GPC1: variants seen among roughly 807,000 people sequenced by gnomAD.
GPC1 encodes the protein glypican-1.
GPC1 carries 26 observed loss-of-function variants against 51.5 expected under a neutral mutation model. The observed-to-expected ratio is 0.50, with a 90% CI of 0.37 to 0.70. The LOEUF is 0.70. GPC1 is among the 30% of genes least tolerant of loss of function. The probability of loss-of-function intolerance (pLI) is 0.00; values close to 1 mark genes in which losing one functional copy is unlikely to be tolerated. For synonymous variants in GPC1, 380 were observed against 348.3 expected (o/e 1.09, Z -1.01); for missense variants, 775 against 800.5 (o/e 0.97, Z 0.38).
At chr2:240,462,074 C>G (rs945564085) in intron 2 of GPC1, 117 bp from the exon 3 acceptor site, 4 of 1,043,134 alleles carry the variant, frequency 3.8e-6, no homozygotes, top group Non-Finnish European at 5.4e-6. Context: ...GCGTCCGACT[C>G]CGAGGTCCTC....
In GPC1 at chr2:240,465,067, T is replaced by G; in HGVS notation, c.1135-10T>G. The G allele has an allele frequency of 1.3e-6, 2 of 1,598,756 alleles. No homozygotes were observed. The highest frequency in any genetic ancestry group is 1.7e-6 in the Non-Finnish European group (2 of 1,173,694). The stretch of plus-strand genomic sequence containing the variant: ...CCTGGCAGCCCAGTGGCCTGACTGC[T>G]GCCCCACAGGTCTCCGAAGCCAAGG... On this transcript the variant is annotated splice_polypyrimidine_tract_variant and intron_variant, in intron 6 of 8. Coordinates refer to ENST00000264039, the MANE Select transcript of GPC1 (RefSeq NM_002081.3).
chr2:240,460,222 C>T (rs1379494585), intron 2 of GPC1, among the ~76,000 whole-genome samples: 1 of 152,120 alleles, frequency 6.6e-6, no homozygotes, highest in Non-Finnish European at 1.5e-5. Context: ...CTCTCTGTGA[C>T]TTGGACATCG....
At chr2:240,444,638 C>G (rs371056053) in intron 1 of GPC1, among the ~76,000 whole-genome samples, 1 of 152,236 alleles carries the variant, frequency 6.6e-6, no homozygotes, top group African/African-American at 2.4e-5. Flanking sequence ...TGCGCACCTT[C>G]AGACGATTTC....
rs1384426238 is a variant in GPC1, at chr2:240,462,318, C to T, written c.453C>T (p.Tyr151=). The change falls in exon 3 of 9, where the codon TAC becomes TAT. Residue 151 remains tyrosine, a synonymous_variant. Coordinates refer to ENST00000264039, the MANE Select transcript of GPC1 (RefSeq NM_002081.3). ...ACCTGTACTCAGAGCTGCGCCTGTA[C>T]TACCGCGGTGCCAACCTGCACCTGG... ...FRDLYSELRL[Y]YRGANLHLEE... 2.5e-6 allele frequency: 4 copies of T among 1,606,558 alleles called. No homozygotes were observed. The Admixed American group carries it at 6.8e-5, about 27-fold the overall frequency.
intron 1 of GPC1, among the ~76,000 whole-genome samples, chr2:240,447,273 T>C (rs2074056452): frequency 6.6e-6 from 1 of 152,192 alleles, no homozygotes; most frequent in Non-Finnish European, 1.5e-5. Flanking sequence ...CCTCGAGCTA[T>C]GCCCCGACAC....
chr2:240,451,534 C>T, intron 1 of GPC1: 1 of 288,840 alleles, frequency 3.5e-6, no homozygotes, highest in East Asian at 1.2e-4. Context: ...TCTTCAGCTC[C>T]ACCAAGCCAA....
At position 240,448,088 on chromosome 2, in the gene GPC1, C is replaced by T. The variant is rs1262854549; in HGVS notation, c.167-10942C>T. Among the ~76,000 whole-genome samples, 1 of 152,124 alleles carries T rather than the reference C, an allele frequency of 6.6e-6. No individual in the cohort carries two copies. Among genetic ancestry groups the T allele is most frequent in the Non-Finnish European group, 1.5e-5 (1 of 68,016 alleles). ...GAACGGCCGGAGGCGCTCTCGAGCC[C>T]GCCTTGAGGGTGGCAGCTGGTTTTC... On this transcript the variant is annotated intron_variant, in intron 1 of 8. Transcript: ENST00000264039. The surrounding 1 kb of genome is among the most constrained non-coding windows in gnomAD (Gnocchi z 4.5).
At chr2:240,442,663 C>T (rs1310208004) in intron 1 of GPC1, among the ~76,000 whole-genome samples, 2 of 152,236 alleles carry the variant, frequency 1.3e-5, no homozygotes, top group Non-Finnish European at 2.9e-5. Flanking sequence ...CACCCAAAGT[C>T]ACATCCTGAG....
At chr2:240,441,748 GAC>G (rs1302077923) in intron 1 of GPC1, among the ~76,000 whole-genome samples, 1 of 152,226 alleles carries the variant, frequency 6.6e-6, no homozygotes, top group African/African-American at 2.4e-5. Context: ...GAAGTCTCCT[GAC>G]GGGGTGGGGG....
chr2:240,448,194 C>G lies in GPC1; in HGVS notation c.167-10836C>G, dbSNP rs979901481. Among the ~76,000 whole-genome samples the G allele has an allele frequency of 1.3e-5, 2 of 152,146 alleles. No homozygotes were observed. The highest frequency in any genetic ancestry group is 4.8e-5 in the African/African-American group (2 of 41,440). ...CAGGAAGGGCAGGAGATGCTGGCCC[C>G]GGGTCTGGACAGCTGCCCTCATAGG... On this transcript the variant is annotated intron_variant, in intron 1 of 8. Coordinates refer to ENST00000264039, the MANE Select transcript of GPC1 (RefSeq NM_002081.3). This position sits in a 1 kb window ranked among gnomAD's most constrained non-coding sequence, Gnocchi z 4.5.
At chr2:240,454,063 CG>C (rs71046002) in intron 1 of GPC1, among the ~76,000 whole-genome samples, 19,018 of 90,992 alleles carry the variant, frequency 0.21, 1,310 homozygotes, top group Admixed American at 0.28. Context: ...GAAATGGTGG[CG>C]GGGGGGCTTC....
rs1574779189 is a variant in GPC1 at position 240,463,827 on chromosome 2, C to G, written c.883+315C>G. ...ACGTGTGACTCATCGAGGACCGGCA[C>G]TTGTTTAAGCTAACACATACATGCA... On this transcript the variant is annotated intron_variant, in intron 4 of 8. Transcript: ENST00000264039. The G allele has an allele frequency of 1.5e-5, 6 of 405,266 alleles. No individual in the cohort carries two copies. The East Asian group carries it at 2.8e-4, about 19-fold the overall frequency. 25.1% of individuals were successfully genotyped at this position (405,266 alleles called of 1,614,324 possible).
At chr2:240,449,792 G>A (rs901428918) in intron 1 of GPC1, 7 of 465,660 alleles carry the variant, frequency 1.5e-5, no homozygotes, top group South Asian at 3.1e-5. Flanking sequence ...CACATAAGTC[G>A]AGTCTTGCCG....
At chr2:240,443,028 C>A (rs1162993598) in intron 1 of GPC1, among the ~76,000 whole-genome samples, 1 of 152,280 alleles carries the variant, frequency 6.6e-6, no homozygotes, top group Non-Finnish European at 1.5e-5. Context: ...CCAGCCCCTC[C>A]TGCCGTGGGC....
At chr2:240,438,436 C>T (rs924341315) in intron 1 of GPC1, among the ~76,000 whole-genome samples, 4 of 152,174 alleles carry the variant, frequency 2.6e-5, no homozygotes, top group African/African-American at 4.8e-5. Context: ...GTGGAACGGG[C>T]GCCCTCTGGT....
chr2:240,454,353 C>G (rs991430862), intron 1 of GPC1, among the ~76,000 whole-genome samples: 4 of 152,190 alleles, frequency 2.6e-5, no homozygotes, highest in African/African-American at 4.8e-5. Flanking sequence ...CCAGTGCACC[C>G]TCACCCCAGG....
intron 1 of GPC1, among the ~76,000 whole-genome samples, chr2:240,443,226 G>A (rs1003875418): frequency 3.3e-5 from 5 of 152,254 alleles, no homozygotes; most frequent in East Asian, 1.9e-4. Flanking sequence ...TGGGAGAGTC[G>A]TGGTTCAGTG....
intron 1 of GPC1, among the ~76,000 whole-genome samples, chr2:240,452,600 G>A (rs1190765340): frequency 6.6e-6 from 1 of 152,098 alleles, no homozygotes; most frequent in African/African-American, 2.4e-5. Context: ...GACTGCCCGC[G>A]GAGAACAGGA....
intron 1 of GPC1, among the ~76,000 whole-genome samples, chr2:240,437,350 C>T (rs2073990513): frequency 6.6e-6 from 1 of 152,130 alleles, no homozygotes; most frequent in Non-Finnish European, 1.5e-5. Flanking sequence ...TGGTGGATCT[C>T]CCGATGCCCC....
Sources: allele counts gnomAD v4.1 joint callset (sites outside exome capture counted in the v4.1 genomes callset), GRCh38; gene constraint gnomAD v4.1.1; non-coding constraint Gnocchi (gnomAD v3.1); transcripts MANE v1.5; gene names NCBI Gene and HGNC (gene_info 2026-07-23, HGNC 2026-07-21).